FARSB: variants seen among roughly 807,000 people sequenced by gnomAD.
FARSB encodes the protein phenylalanine--tRNA ligase beta subunit.
FARSB carries 40 observed loss-of-function variants against 69.6 expected under a neutral mutation model. The observed-to-expected ratio is 0.57, with a 90% CI of 0.45 to 0.75. The LOEUF (loss-of-function observed/expected upper bound fraction) is 0.75, where lower values mean the gene tolerates loss of function less well. Among genes scored for constraint, FARSB ranks in the 30% least tolerant of loss-of-function variants. The pLI is 0.00. For missense variants in FARSB, 632 were observed against 722.9 expected, an observed-to-expected ratio of 0.87 and a Z score of 1.44; for synonymous variants, 235 against 247.2, an observed-to-expected ratio of 0.95 and a Z score of 0.46.
chr2:222,606,945 G>A (rs2106204125), intron 15 of FARSB, among the ~76,000 whole-genome samples: 1 of 152,324 alleles, frequency 6.6e-6, no homozygotes, highest in African/African-American at 2.4e-5. Context: ...ATCAGAGGCT[G>A]ATGTGGAGCT....
intron 3 of FARSB, 148 bp downstream of exon 3, chr2:222,642,703 T>C: frequency 2.0e-6 from 1 of 503,678 alleles, no homozygotes; most frequent in Non-Finnish European, 3.4e-6. Context: ...TGCATGAATC[T>C]AATTCCTCAA....
In FARSB at chr2:222,613,239, G is replaced by T. The variant is rs190102072; in HGVS notation, c.1462+572C>A. Among the ~76,000 whole-genome samples the T allele has an allele frequency of 9.5e-4, 145 of 152,328 alleles. 4 individuals are homozygous for T. The East Asian group carries it at 0.02, about 21-fold the overall frequency. ...AAATTTATAAAACAAAACTGAAGTGGTAGTGCTTATCTTTTAGAAATACAT... is the reference window on the plus strand; with the variant it reads ...AAATTTATAAAACAAAACTGAAGTGTTAGTGCTTATCTTTTAGAAATACAT... On this transcript the variant is annotated intron_variant, in intron 15 of 16. Transcript: ENST00000281828.
At chr2:222,642,408 A>T (rs1415614638) in intron 3 of FARSB, among the ~76,000 whole-genome samples, 1 of 152,224 alleles carries the variant, frequency 6.6e-6, no homozygotes, top group Non-Finnish European at 1.5e-5. Context: ...AAGATCACAG[A>T]GCCGTCATAA....
intron 14 of FARSB, among the ~76,000 whole-genome samples, chr2:222,616,180 AAAAG>A (rs1690990064): frequency 6.6e-6 from 1 of 152,194 alleles, no homozygotes; most frequent in Non-Finnish European, 1.5e-5. Flanking sequence ...AACTGAAAGG[AAAAG>A]AAAGACGGAA....
intron 15 of FARSB, among the ~76,000 whole-genome samples, chr2:222,601,582 A>G (rs1391488377): frequency 6.6e-6 from 1 of 152,202 alleles, no homozygotes. Context: ...ACTTTTATTT[A>G]CTTCCCAGTT....
chr2:222,656,078 T>C lies in FARSB; in HGVS notation c.-5A>G, dbSNP rs12467164. 1.4e-5 allele frequency: 23 copies of C among 1,591,468 alleles called. No individual in the cohort carries two copies. Among genetic ancestry groups the C allele is most frequent in the Non-Finnish European group, 1.9e-5 (22 of 1,170,506 alleles). ...CTTCACGCTGACAGTCGGCATGGTG[T>C]GTCGAACTCACTGCGCCTGCGCAGC... On this transcript the variant is annotated 5_prime_UTR_variant, in exon 1 of 17. Transcript: ENST00000281828.
intron 5 of FARSB, among the ~76,000 whole-genome samples, chr2:222,637,022 C>T (rs931581231): frequency 2.8e-4 from 42 of 151,858 alleles, no homozygotes; most frequent in African/African-American, 9.2e-4. Flanking sequence ...AATAAATAGA[C>T]GAGGAAATAT....
chr2:222,594,381 AAC>A (rs1238945575), intron 16 of FARSB, among the ~76,000 whole-genome samples: 1 of 152,190 alleles, frequency 6.6e-6, no homozygotes, highest in African/African-American at 2.4e-5. Flanking sequence ...GTAAATAAAT[AAC>A]ATTAAGAGTT....
intron 2 of FARSB, chr2:222,644,694 G>A (rs902953827): frequency 1.2e-5 from 3 of 251,682 alleles, no homozygotes; most frequent in Non-Finnish European, 2.5e-5. Flanking sequence ...CATTGGATAG[G>A]ACTAAATGTT....
intron 3 of FARSB, 47 bp from the exon 4 acceptor site, chr2:222,640,978 A>G (rs1255175936): frequency 2.1e-6 from 2 of 935,654 alleles, no homozygotes; most frequent in Non-Finnish European, 3.3e-6. Flanking sequence ...TCAAGACATT[A>G]TATAAAATAA....
intron 15 of FARSB, among the ~76,000 whole-genome samples, chr2:222,602,827 A>G (rs1690598386): frequency 6.6e-6 from 1 of 152,060 alleles, no homozygotes; most frequent in South Asian, 2.1e-4. Flanking sequence ...TTAGCACTTT[A>G]ACATTTTCTA....
intron 16 of FARSB, among the ~76,000 whole-genome samples, chr2:222,588,047 C>T (rs1195201549): frequency 6.6e-6 from 1 of 151,962 alleles, no homozygotes. Context: ...CTGGCAGAGA[C>T]ACAACAAAAA....
Position 222,634,470 on chromosome 2 carries a change from T to C in FARSB, c.527A>G (p.Lys176Arg). ...CTTGAATTTGATATCTGAAGGACGC[T>C]TTGCAGTATAAGTAAATGGGCCCGA... ...TLSGPFTYTAKRPSDIKFKPL... is the reference protein window; with the variant it reads ...TLSGPFTYTARRPSDIKFKPL... The change falls in exon 6 of 17, where the codon AAG becomes AGG. Residue 176 changes from lysine (K) to arginine (R), a missense_variant. Physicochemically the swap from Lys to Arg is conservative, Grantham distance 26. Transcript: ENST00000281828. 2.5e-6 allele frequency: 4 copies of C among 1,612,804 alleles called. No homozygotes were observed. Among genetic ancestry groups the C allele is most frequent in the Non-Finnish European group, 3.4e-6 (4 of 1,178,994 alleles).
chr2:222,631,505 C>T, intron 8 of FARSB, 99 bp downstream of exon 8: 1 of 739,940 alleles, frequency 1.4e-6, no homozygotes, highest in African/African-American at 1.8e-5. Flanking sequence ...TTCCCACCTA[C>T]AAAATGCACA....
intron 13 of FARSB, 26 bp downstream of exon 13, chr2:222,623,623 TG>T (rs762014268): frequency 1.6e-6 from 2 of 1,254,518 alleles, no homozygotes; most frequent in South Asian, 1.2e-5. Flanking sequence ...AATAATCATC[TG>T]GGCAGAAAAA....
At chr2:222,634,184 A>G (rs564485845) in intron 6 of FARSB, among the ~76,000 whole-genome samples, 1 of 152,218 alleles carries the variant, frequency 6.6e-6, no homozygotes, top group Admixed American at 6.5e-5. Context: ...CACTGAAATC[A>G]TATCAGAGGT....
At chr2:222,639,453 G>C in intron 5 of FARSB, 127 bp downstream of exon 5, 1 of 444,716 alleles carries the variant, frequency 2.2e-6, no homozygotes, top group Non-Finnish European at 4.1e-6. Context: ...GAGGAAGAAA[G>C]GAAGGAGAGA....
intron 2 of FARSB, chr2:222,644,503 T>C (rs1439663996): frequency 1.3e-5 from 6 of 453,748 alleles, no homozygotes; most frequent in Non-Finnish European, 2.2e-5. Context: ...TTAATAAAAT[T>C]ACTGTTTCAA....
At chr2:222,632,306 A>G (rs1040092242) in intron 7 of FARSB, among the ~76,000 whole-genome samples, 1 of 152,200 alleles carries the variant, frequency 6.6e-6, no homozygotes, top group Non-Finnish European at 1.5e-5. Context: ...TGTCTCCTCT[A>G]ATCTTTACCA....
Sources: gnomAD v4.1 joint callset for allele counts (sites outside exome capture counted in the v4.1 genomes callset) on GRCh38, gnomAD v4.1.1 for gene constraint, MANE v1.5 for transcripts, NCBI Gene and HGNC (gene_info 2026-07-23, HGNC 2026-07-21) for gene names.